The following CHODL variants were observed in gnomAD, a reference collection of about 807,000 sequenced individuals.
CHODL encodes the protein transmembrane protein MT75.
CHODL carries 29 observed loss-of-function variants against 34.5 expected under a neutral mutation model. The observed-to-expected ratio is 0.84, with a 90% CI of 0.63 to 1.15. The LOEUF (loss-of-function observed/expected upper bound fraction) is 1.15, where lower values mean the gene tolerates loss of function less well. CHODL is among the 50% of genes most tolerant of loss of function. The probability of loss-of-function intolerance (pLI) is 0.00; values close to 1 mark genes in which losing one functional copy is unlikely to be tolerated. For synonymous variants in CHODL, 125 were observed against 116.1 expected, an observed-to-expected ratio of 1.08 and a Z score of -0.49; for missense variants, 332 against 332.5, an observed-to-expected ratio of 1.00 and a Z score of 0.01.
intron 2 of CHODL, among the ~76,000 whole-genome samples, chr21:18,083,158 G>T (rs2146516934): frequency 6.6e-6 from 1 of 152,316 alleles, no homozygotes; most frequent in South Asian, 2.1e-4. Flanking sequence ...ATGGCACCCT[G>T]TATCCAAGCC....
intron 2 of CHODL, among the ~76,000 whole-genome samples, chr21:18,218,808 G>C (rs1039533376): frequency 2.6e-5 from 4 of 152,162 alleles, no homozygotes; most frequent in African/African-American, 9.7e-5. Flanking sequence ...TGCATAGCAA[G>C]AGCAACCTTT....
chr21:18,110,313 A>G (rs537626622), intron 2 of CHODL, among the ~76,000 whole-genome samples: 2 of 152,104 alleles, frequency 1.3e-5, no homozygotes, highest in South Asian at 4.1e-4. Context: ...TTTTTGCCAC[A>G]CTTTTCATTG....
intron 1 of CHODL, among the ~76,000 whole-genome samples, chr21:18,248,673 C>CATATATGTATATATTATAGACAT (rs2074178092): frequency 9.3e-6 from 1 of 107,316 alleles, no homozygotes; most frequent in African/African-American, 3.9e-5. Context: ...ATGTATAATA[C>CATATATGTATATATTATAGACAT]ATATATGTAT....
At chr21:18,050,010 A>T (rs1213720160) in intron 2 of CHODL, among the ~76,000 whole-genome samples, 4 of 151,986 alleles carry the variant, frequency 2.6e-5, no homozygotes, top group Non-Finnish European at 4.4e-5. Context: ...AGCCTAATGG[A>T]GTAGAAAGTC....
chr21:17,979,339 ATAATTGTT>A (rs2063696299), intron 1 of CHODL, among the ~76,000 whole-genome samples: 2 of 152,172 alleles, frequency 1.3e-5, no homozygotes, highest in Admixed American at 6.5e-5. Flanking sequence ...TCCCTCTTTA[ATAATTGTT>A]TATCTGTTTT....
chr21:18,101,687 G>A (rs1013769566), intron 2 of CHODL, among the ~76,000 whole-genome samples: 58 of 150,232 alleles, frequency 3.9e-4, no homozygotes, highest in African/African-American at 1.3e-3. Flanking sequence ...TGCATTTTCA[G>A]TATGACAATC....
intron 1 of CHODL, among the ~76,000 whole-genome samples, chr21:17,979,384 A>G (rs1458934190): frequency 1.3e-5 from 2 of 152,212 alleles, no homozygotes; most frequent in African/African-American, 4.8e-5. Flanking sequence ...AAATAAATAT[A>G]CAGAATCTTA....
At chr21:18,007,105 A>G (rs1361746874) in intron 1 of CHODL, among the ~76,000 whole-genome samples, 1 of 152,234 alleles carries the variant, frequency 6.6e-6, no homozygotes, top group Non-Finnish European at 1.5e-5. Flanking sequence ...AGGTTCAAAG[A>G]ATACGTGTGG....
intron 1 of CHODL, among the ~76,000 whole-genome samples, chr21:18,007,294 C>G (rs969467349): frequency 1.3e-5 from 2 of 152,124 alleles, no homozygotes; most frequent in African/African-American, 4.8e-5. Context: ...TTTCTAAGAG[C>G]TGACAATGCA....
At position 18,266,152 on chromosome 21, in the gene CHODL, A is replaced by T; in HGVS notation, c.*114A>T. On this transcript the variant is annotated 3_prime_UTR_variant, in exon 6 of 6. Coordinates refer to ENST00000299295, the MANE Select transcript of CHODL (RefSeq NM_024944.3). ...ACAAAGGATCTGCAAGATGAACTGT[A>T]AGCTCCCCCTTGAGGCAAATATTAA... 6.3e-7 allele frequency: 1 copy of T among 1,593,972 alleles called. No individual in the cohort carries two copies. Among genetic ancestry groups the T allele is most frequent in the Non-Finnish European group, 8.6e-7 (1 of 1,168,190 alleles).
At chr21:17,948,881 T>C (rs2063434076) in intron 1 of CHODL, among the ~76,000 whole-genome samples, 1 of 151,966 alleles carries the variant, frequency 6.6e-6, no homozygotes. Flanking sequence ...ATCGAAGAGG[T>C]AGAAGTTCTT....
chr21:18,080,605 T>C (rs763546974), intron 2 of CHODL, among the ~76,000 whole-genome samples: 3 of 152,166 alleles, frequency 2.0e-5, no homozygotes, highest in Non-Finnish European at 2.9e-5. Context: ...CCTGAGCATA[T>C]ATTTTTGTTG....
rs185929698 is a variant in CHODL at position 17,923,280 on chromosome 21, T to C, written c.-145+5880T>C. On this transcript the variant is annotated intron_variant, in intron 1 of 6. Coordinates refer to the CHODL transcript ENST00000400127. ...GACTTTGTCTTTTTCTGCCTCTTTT[T>C]TTTTTTCCTGCCAAAGTCTGCATTA... 1.7e-3 allele frequency among the ~76,000 whole-genome samples: 256 copies of C among 152,172 alleles called. 1 individual carries two copies. Among genetic ancestry groups the C allele is most frequent in the Non-Finnish European group, 3.0e-3 (201 of 68,012 alleles).
At chr21:18,208,871 C>G (rs952949548) in intron 2 of CHODL, among the ~76,000 whole-genome samples, 4 of 148,848 alleles carry the variant, frequency 2.7e-5, no homozygotes, top group South Asian at 2.3e-4. Context: ...CTCTGTCCCC[C>G]CCACCCCCGC....
At chr21:17,931,763 G>C (rs1248653174) in intron 1 of CHODL, among the ~76,000 whole-genome samples, 1 of 152,162 alleles carries the variant, frequency 6.6e-6, no homozygotes, top group Non-Finnish European at 1.5e-5. Context: ...AGGCATGAAT[G>C]AAACTGGGCC....
At chr21:18,005,799 T>C (rs2063954768) in intron 1 of CHODL, among the ~76,000 whole-genome samples, 1 of 151,808 alleles carries the variant, frequency 6.6e-6, no homozygotes, top group South Asian at 2.1e-4. Context: ...CATGGACACA[T>C]GGGGGGAAAC....
In CHODL at chr21:18,021,256, A is replaced by G. The variant is rs2064125316; in HGVS notation, c.-144-6616A>G. ...GTTCCAGTAAATGAGACCAAGAAGC[A>G]GCAGCCAGGGTAGTAAAGGGAAAAT... is the stretch of plus-strand genomic sequence containing the variant. On this transcript the variant is annotated intron_variant, in intron 1 of 6. Transcript: ENST00000400127. Among the ~76,000 whole-genome samples, 3 of 152,210 alleles carry G rather than the reference A, an allele frequency of 2.0e-5. No homozygotes were observed. The South Asian group carries it at 6.2e-4, about 32-fold the overall frequency.
intron 1 of CHODL, among the ~76,000 whole-genome samples, chr21:18,017,114 G>A (rs1179063146): frequency 6.6e-6 from 1 of 152,224 alleles, no homozygotes; most frequent in East Asian, 1.9e-4. Flanking sequence ...TTGAGTTAAT[G>A]CTGAAATGAG....
chr21:18,020,092 A>G (rs1156578578), intron 1 of CHODL, among the ~76,000 whole-genome samples: 1 of 152,160 alleles, frequency 6.6e-6, no homozygotes, highest in Non-Finnish European at 1.5e-5. Context: ...GAATAATTAC[A>G]AAGAATTACA....
Sources: allele counts gnomAD v4.1 joint callset (sites outside exome capture counted in the v4.1 genomes callset), GRCh38; gene constraint gnomAD v4.1.1; transcripts MANE v1.5; gene names NCBI Gene and HGNC (gene_info 2026-07-23, HGNC 2026-07-21).